Variants in TMEM232 observed in about 807,000 individuals in gnomAD.
TMEM232 encodes the protein transmembrane protein 232.
TMEM232 carries 80 observed loss-of-function variants against 78.8 expected under a neutral mutation model. The ratio of observed to expected loss-of-function variants is 1.01; its 90% confidence interval spans 0.85 to 1.22. TMEM232 has a LOEUF of 1.22. Among genes scored for constraint, TMEM232 ranks in the 50% most tolerant of loss-of-function variants. The probability of loss-of-function intolerance (pLI) is 0.00; values close to 1 mark genes in which losing one functional copy is unlikely to be tolerated. For synonymous variants in TMEM232, 297 were observed against 254.3 expected (o/e 1.17, Z -1.60); for missense variants, 881 against 742.2 (o/e 1.19, Z -2.17).
chr5:110,719,061 AC>A (rs1489661377), intron 1 of TMEM232, among the ~76,000 whole-genome samples: 1 of 152,100 alleles, frequency 6.6e-6, no homozygotes, highest in Admixed American at 6.6e-5. Flanking sequence ...AGTAGCACCT[AC>A]TACACACCTA....
At chr5:110,687,534 T>C (rs1427040797) in intron 1 of TMEM232, among the ~76,000 whole-genome samples, 1 of 152,120 alleles carries the variant, frequency 6.6e-6, no homozygotes. Flanking sequence ...AATACAACCT[T>C]ATTGCCAATA....
At chr5:110,563,856 T>C (rs548811260) in intron 11 of TMEM232, among the ~76,000 whole-genome samples, 1 of 151,946 alleles carries the variant, frequency 6.6e-6, no homozygotes, top group South Asian at 2.1e-4. Flanking sequence ...GACAATATAA[T>C]TCAAGTGGGC....
intron 12 of TMEM232, among the ~76,000 whole-genome samples, chr5:110,509,023 A>G (rs927503498): frequency 4.2e-5 from 6 of 142,248 alleles, no homozygotes; most frequent in African/African-American, 1.3e-4. Flanking sequence ...TATATATACA[A>G]TTATATATAC....
At chr5:110,486,779 T>C (rs1294715630) in intron 12 of TMEM232, among the ~76,000 whole-genome samples, 1 of 152,032 alleles carries the variant, frequency 6.6e-6, no homozygotes, top group Non-Finnish European at 1.5e-5. Flanking sequence ...TTTTGTTTAG[T>C]CTTGCTTTGG....
intron 1 of TMEM232, among the ~76,000 whole-genome samples, chr5:110,693,428 C>A (rs554206833): frequency 6.6e-6 from 1 of 152,278 alleles, no homozygotes; most frequent in South Asian, 2.1e-4. Context: ...CAGCTCCTCA[C>A]CAGCAACAGA....
At chr5:110,698,762 G>C (rs1795099491) in intron 1 of TMEM232, among the ~76,000 whole-genome samples, 1 of 152,050 alleles carries the variant, frequency 6.6e-6, no homozygotes, top group Non-Finnish European at 1.5e-5. Context: ...GTTCTAAATT[G>C]CTACGAAGAA....
intron 12 of TMEM232, among the ~76,000 whole-genome samples, chr5:110,493,591 T>C (rs1765333733): frequency 6.6e-6 from 1 of 152,076 alleles, no homozygotes; most frequent in African/African-American, 2.4e-5. Flanking sequence ...TGAACAATTG[T>C]CAATAAATGG....
intron 5 of TMEM232, among the ~76,000 whole-genome samples, chr5:110,632,644 C>T (rs1367561115): frequency 1.3e-5 from 2 of 151,046 alleles, no homozygotes; most frequent in Non-Finnish European, 2.9e-5. Context: ...TAAACTAAAA[C>T]AACAACACAA....
chr5:110,410,956 G>A (rs1755974297), intron 2 of TMEM232, among the ~76,000 whole-genome samples: 2 of 152,086 alleles, frequency 1.3e-5, no homozygotes, highest in Non-Finnish European at 2.9e-5. Context: ...AGGACATTAT[G>A]TTAAGAATCC....
At chr5:110,573,153 G>T (rs1777157721) in intron 10 of TMEM232, among the ~76,000 whole-genome samples, 1 of 151,938 alleles carries the variant, frequency 6.6e-6, no homozygotes, top group Admixed American at 6.6e-5. Context: ...TCAATATTAT[G>T]CCTTTTCTTT....
At chr5:110,680,331 A>T (rs1421624392) in intron 1 of TMEM232, among the ~76,000 whole-genome samples, 1 of 136,016 alleles carries the variant, frequency 7.4e-6, no homozygotes, top group Admixed American at 8.3e-5. Flanking sequence ...CGGGAGGTGG[A>T]GGCTGCGGTG....
intron 11 of TMEM232, among the ~76,000 whole-genome samples, chr5:110,556,595 C>T (rs1775120875): frequency 6.6e-6 from 1 of 152,058 alleles, no homozygotes; most frequent in Admixed American, 6.6e-5. Flanking sequence ...TGCATTGTTG[C>T]CCAGGCTGGT....
chr5:110,708,222 C>A (rs1322329949), intron 1 of TMEM232, among the ~76,000 whole-genome samples: 2 of 152,086 alleles, frequency 1.3e-5, no homozygotes, highest in Non-Finnish European at 2.9e-5. Context: ...TCTTGGAATC[C>A]TGAATAGTAT....
Position 110,673,412 on chromosome 5 carries a change from C to T in TMEM232, c.-12-6048G>A, listed in dbSNP as rs938366519. ...GGCACATGTATACATATGTAACAAACCTGCATGTTGTGCACATGTACCCTA... is the reference window on the plus strand; with the variant it reads ...GGCACATGTATACATATGTAACAAATCTGCATGTTGTGCACATGTACCCTA... On this transcript the variant is annotated intron_variant, in intron 1 of 13. Coordinates refer to ENST00000455884, the MANE Select transcript of TMEM232 (RefSeq NM_001039763.4). Among the ~76,000 whole-genome samples, 4 of 151,570 alleles carry T rather than the reference C, an allele frequency of 2.6e-5. No individual in the cohort carries two copies. The East Asian group carries it at 7.8e-4, about 29-fold the overall frequency.
Position 110,637,315 on chromosome 5 carries a change from T to C in TMEM232, c.501+883A>G, listed in dbSNP as rs908848801. Reference sequence around the variant, plus strand: ...AAAGCTCAGTTTTTTGCACGGTTAATTTCTATTATGTATTCTCTGTATCTA... The same window carrying C: ...AAAGCTCAGTTTTTTGCACGGTTAACTTCTATTATGTATTCTCTGTATCTA... On this transcript the variant is annotated intron_variant, in intron 5 of 13. Coordinates refer to ENST00000455884, the MANE Select transcript of TMEM232 (RefSeq NM_001039763.4). 1.7e-4 allele frequency among the ~76,000 whole-genome samples: 26 copies of C among 151,592 alleles called. 1 individual carries two copies. Among genetic ancestry groups the C allele is most frequent in the Admixed American group, 1.3e-3 (20 of 15,178 alleles).
At chr5:110,547,762 C>T (rs1773950290) in intron 11 of TMEM232, among the ~76,000 whole-genome samples, 1 of 151,984 alleles carries the variant, frequency 6.6e-6, no homozygotes, top group South Asian at 2.1e-4. Flanking sequence ...CTTTGGGAGG[C>T]TGAGATGGGC....
chr5:110,394,103 A>G (rs913357567), intron 3 of TMEM232, among the ~76,000 whole-genome samples: 1 of 151,994 alleles, frequency 6.6e-6, no homozygotes, highest in African/African-American at 2.4e-5. Context: ...CCCCACCCAA[A>G]ACCTTCCCAG....
chr5:110,667,472 A>T lies in TMEM232; in HGVS notation c.-12-108T>A, dbSNP rs182111089. On this transcript the variant is annotated intron_variant, in intron 1 of 13. Transcript: ENST00000455884. ...GAAAAGAATAGCAAGAACTAAAGTT[A>T]GGCTTAAGAATAATTCTATATTAAG... 33 of 815,108 alleles carry T rather than the reference A, an allele frequency of 4.0e-5. No individual in the cohort carries two copies. The African/African-American group carries it at 5.8e-4, about 14-fold the overall frequency. 50.5% of individuals were successfully genotyped at this position (815,108 alleles called of 1,614,324 possible). A position where few individuals can be genotyped will look rare whatever the true frequency, so the allele number is the denominator to read the frequency against.
intron 1 of TMEM232, among the ~76,000 whole-genome samples, chr5:110,694,551 A>C (rs1453621061): frequency 2.0e-5 from 3 of 152,204 alleles, no homozygotes; most frequent in Non-Finnish European, 4.4e-5. Flanking sequence ...TGCTGTATTC[A>C]GGAAACCCAT....
Sources: gnomAD v4.1 joint callset for allele counts (sites outside exome capture counted in the v4.1 genomes callset) on GRCh38, gnomAD v4.1.1 for gene constraint, MANE v1.5 for transcripts, NCBI Gene and HGNC (gene_info 2026-07-23, HGNC 2026-07-21) for gene names.